DIPK1B: variants seen among roughly 807,000 people sequenced by gnomAD.
DIPK1B encodes the protein divergent protein kinase domain 1B, also known as family with sequence similarity 69 member B.
DIPK1B carries 17 observed loss-of-function variants against 20.7 expected under a neutral mutation model. That is an observed-to-expected ratio of 0.82 (90% CI 0.56 to 1.23). DIPK1B has a LOEUF of 1.23. Ranked by LOEUF, DIPK1B falls within the 50% of genes most tolerant of loss-of-function variation. The pLI, the probability that DIPK1B is intolerant of heterozygous loss-of-function variation, is 0.00. For synonymous variants in DIPK1B, 343 were observed against 276.5 expected, an observed-to-expected ratio of 1.24 and a Z score of -2.39; for missense variants, 648 against 601.8, an observed-to-expected ratio of 1.08 and a Z score of -0.80.
chr9:136,713,669 C>T lies in DIPK1B; in HGVS notation c.63+941C>T, dbSNP rs1450209353. Among the ~76,000 whole-genome samples, 6 of 152,262 alleles carry T rather than the reference C, an allele frequency of 3.9e-5. No homozygotes were observed. In the East Asian group the frequency reaches 1.2e-3, roughly 29 times the overall value. On this transcript the variant is annotated intron_variant, in intron 1 of 4. Transcript: ENST00000371692. ...CTGGGAGGTGGGGTGCACAGTGGTC[C>T]CCTCCCCCGAGGAAAGGCCTCGACC... is the stretch of plus-strand genomic sequence containing the variant.
Position 136,724,572 on chromosome 9 carries a change from ATG to A in DIPK1B, c.*803_*804del, listed in dbSNP as rs1191666281. ...TCTTCAGGGCGGGCTCTGCTCCGCAATGTGTGAGTCAAGACAATCCATTCCAT... is the reference window on the plus strand; with the variant it reads ...TCTTCAGGGCGGGCTCTGCTCCGCAATGTGAGTCAAGACAATCCATTCCAT... On this transcript the variant is annotated 3_prime_UTR_variant, in exon 5 of 5. Coordinates refer to ENST00000371692, the MANE Select transcript of DIPK1B (RefSeq NM_152421.4). 3 of 152,254 alleles carry A rather than the reference ATG, an allele frequency of 2.0e-5. No homozygotes were observed. The highest frequency in any genetic ancestry group is 2.9e-5 in the Non-Finnish European group (2 of 68,046). 9.4% of individuals were successfully genotyped at this position (152,254 alleles called of 1,614,324 possible).
rs548801552 is a variant in DIPK1B, at chr9:136,723,943, G to A, written c.*169G>A. ...CACCACAGACATGAGACCCCAGCTCGGAGCAAAGGCGGACATGGACATCCC... is the reference window on the plus strand; with the variant it reads ...CACCACAGACATGAGACCCCAGCTCAGAGCAAAGGCGGACATGGACATCCC... On this transcript the variant is annotated 3_prime_UTR_variant, in exon 5 of 5. Coordinates refer to ENST00000371692, the MANE Select transcript of DIPK1B (RefSeq NM_152421.4). The A allele has an allele frequency of 1.5e-4, 103 of 702,760 alleles. No individual in the cohort carries two copies. Among genetic ancestry groups the A allele is most frequent in the African/African-American group, 9.3e-4 (52 of 55,720 alleles). The allele number at this position is 702,760 out of a possible 1,614,324, so 43.5% of individuals were successfully genotyped here. A position where few individuals can be genotyped will look rare whatever the true frequency, so the allele number is the denominator to read the frequency against.
At chr9:136,719,879 GGGCGC>G (rs1564308770) in intron 2 of DIPK1B, among the ~76,000 whole-genome samples, 2 of 151,636 alleles carry the variant, frequency 1.3e-5, no homozygotes, top group Admixed American at 6.6e-5. Context: ...CTGGGGCTCC[GGGCGC>G]AGGGGCTGTG....
chr9:136,719,378 C>T (rs1846553723), intron 2 of DIPK1B, among the ~76,000 whole-genome samples: 1 of 152,182 alleles, frequency 6.6e-6, no homozygotes, highest in African/African-American at 2.4e-5. Flanking sequence ...ACCCCAGGGG[C>T]CATGGAGACG....
intron 1 of DIPK1B, among the ~76,000 whole-genome samples, chr9:136,715,597 C>T (rs995671912): frequency 6.6e-6 from 1 of 152,012 alleles, no homozygotes. Context: ...TCACCACAAC[C>T]TCTGCCTCCC....
Position 136,723,595 on chromosome 9 carries a change from C to T in DIPK1B, c.1117C>T (p.Leu373=), listed in dbSNP as rs763149366. The T allele has an allele frequency of 6.3e-7, 1 of 1,592,658 alleles. No homozygotes were observed. Among genetic ancestry groups the T allele is most frequent in the Admixed American group, 1.8e-5 (1 of 57,044 alleles). ...CAACCTGGCCAAGGTGTGCGCACTG[C>T]TACGGGGCTACCTGCTGCCTGGCGC... ...QPNLAKVCAL[L]RGYLLPGAPA... The change falls in exon 5 of 5, where the codon CTA becomes TTA. Residue 373 remains leucine, a synonymous_variant. Transcript: ENST00000371692.
At chr9:136,715,025 C>G (rs1846477209) in intron 1 of DIPK1B, among the ~76,000 whole-genome samples, 1 of 152,246 alleles carries the variant, frequency 6.6e-6, no homozygotes, top group African/African-American at 2.4e-5. Context: ...AGCCCACGAC[C>G]TCTGATGGGG....
chr9:136,723,616 G>A lies in DIPK1B; in HGVS notation c.1138G>A (p.Gly380Ser). 5.1e-6 allele frequency: 8 copies of A among 1,581,986 alleles called. No homozygotes were observed. The highest frequency in any genetic ancestry group is 6.9e-6 in the Non-Finnish European group (8 of 1,166,160). ...ACTGCTACGGGGCTACCTGCTGCCT[G>A]GCGCGCCCGCCGACCTCCGCGAGGA... ...CALLRGYLLP[G>S]APADLREELG... is the part of the protein sequence containing the mutation. Residue 380 changes from glycine to serine, a missense_variant, in exon 5 of 5, where the codon GGC (glycine) becomes AGC (serine). By Grantham distance (56) the Gly-to-Ser change is moderately conservative. Coordinates refer to ENST00000371692, the MANE Select transcript of DIPK1B (RefSeq NM_152421.4).
Position 136,723,414 on chromosome 9 carries a change from G to A in DIPK1B, c.936G>A (p.Lys312=), listed in dbSNP as rs778447361. 8.7e-6 allele frequency: 14 copies of A among 1,612,614 alleles called. No individual in the cohort carries two copies. The highest frequency in any genetic ancestry group is 3.3e-4 in the Middle Eastern group (2 of 6,082). ...GCTACACAGCCACCTACGACTTCAA[G>A]ATGGCCGACCTGCAGCAGGTGGCAC... is the stretch of plus-strand genomic sequence containing the variant. ...NVGYTATYDF[K]MADLQQVAPE... is the part of the protein sequence containing the mutation. The change falls in exon 5 of 5, where the codon AAG becomes AAA. Residue 312 remains lysine (K), a synonymous_variant. Coordinates refer to ENST00000371692, the MANE Select transcript of DIPK1B (RefSeq NM_152421.4).
At chr9:136,720,998 C>T (rs557358177) in intron 2 of DIPK1B, 5 of 152,440 alleles carry the variant, frequency 3.3e-5, no homozygotes, top group African/African-American at 1.2e-4. Context: ...GAAACCCAGC[C>T]AGAAGCTGCC....
chr9:136,714,528 G>A (rs928616059), intron 1 of DIPK1B, among the ~76,000 whole-genome samples: 2 of 152,146 alleles, frequency 1.3e-5, no homozygotes, highest in Admixed American at 6.5e-5. Flanking sequence ...CCGAGGCCCC[G>A]CCCATGCTGG....
chr9:136,716,151 A>G (rs1455081588), intron 1 of DIPK1B, among the ~76,000 whole-genome samples: 1 of 151,794 alleles, frequency 6.6e-6, no homozygotes, highest in Non-Finnish European at 1.5e-5. Context: ...CTCAGGACAC[A>G]GTCACTCCGC....
chr9:136,712,779 C>A lies in DIPK1B; in HGVS notation c.63+51C>A, dbSNP rs1846444911. ...CCCGGCCGCCTCTGCCTGGGGAGGC[C>A]GAGCTCCAGCCCCGGAGTGGGCCGA... On this transcript the variant is annotated intron_variant, in intron 1 of 4. Transcript: ENST00000371692. The surrounding 1 kb of genome is among the most constrained non-coding windows in gnomAD (Gnocchi z 5.6). 22 of 1,250,150 alleles carry A rather than the reference C, an allele frequency of 1.8e-5. No individual in the cohort carries two copies. Among genetic ancestry groups the A allele is most frequent in the Non-Finnish European group, 2.2e-5 (22 of 986,048 alleles). The allele number at this position is 1,250,150 out of a possible 1,614,324, so 77.4% of individuals were successfully genotyped here.
chr9:136,722,623 T>G (rs927612956), intron 4 of DIPK1B: 3 of 559,380 alleles, frequency 5.4e-6, no homozygotes, highest in Non-Finnish European at 9.6e-6. Flanking sequence ...TTCCCAGGGC[T>G]TCAGCCAGTG....
rs202223684 is a variant in DIPK1B at position 136,722,267 on chromosome 9, A to C, written c.449A>C (p.Lys150Thr). The C allele has an allele frequency of 9.5e-5, 153 of 1,613,774 alleles. No individual in the cohort carries two copies. Among genetic ancestry groups the C allele is most frequent in the Non-Finnish European group, 1.2e-4 (139 of 1,179,932 alleles). Residue 150 changes from lysine to threonine, a missense_variant, in exon 4 of 5, where the codon AAG (lysine) becomes ACG (threonine). Physicochemically the swap from Lys to Thr is moderately conservative, Grantham distance 78. Transcript: ENST00000371692. ...AAGCCCACCCGGGGCACCTCCATCAAGGAATTCCGGGAGATGACCCTCAGC... is the reference window on the plus strand; with the variant it reads ...AAGCCCACCCGGGGCACCTCCATCACGGAATTCCGGGAGATGACCCTCAGC... ...FDKPTRGTSIKEFREMTLSFL... is the reference protein window; with the variant it reads ...FDKPTRGTSITEFREMTLSFL...
In DIPK1B at chr9:136,723,285, T is replaced by C. The variant is rs567517647; in HGVS notation, c.807T>C (p.Pro269=). Residue 269 remains proline, a synonymous_variant, in exon 5 of 5, where the codon CCT becomes CCC. Coordinates refer to ENST00000371692, the MANE Select transcript of DIPK1B (RefSeq NM_152421.4). ...ALQQWLGPAW[P]WRAKIAIGLL... ...AGCAGTGGCTGGGGCCTGCGTGGCC[T>C]TGGCGGGCCAAGATCGCCATCGGCC... is the stretch of plus-strand genomic sequence containing the variant. The C allele has an allele frequency of 1.0e-4, 162 of 1,612,458 alleles. No homozygotes were observed. The highest frequency in any genetic ancestry group is 8.3e-4 in the Middle Eastern group (5 of 6,032).
In DIPK1B at chr9:136,723,857, A is replaced by T. The variant is rs532378490; in HGVS notation, c.*83A>T. 2.2e-6 allele frequency: 3 copies of T among 1,376,644 alleles called. No homozygotes were observed. The South Asian group carries it at 4.1e-5, about 19-fold the overall frequency. 85.3% of individuals were successfully genotyped at this position (1,376,644 alleles called of 1,614,324 possible). ...CCCTCCCTCAAGGAATCCTGTCAGA[A>T]GATGTGAAATGCAACTGTGTTGCAA... On this transcript the variant is annotated 3_prime_UTR_variant, in exon 5 of 5. Transcript: ENST00000371692.
At chr9:136,721,681 G>C in intron 2 of DIPK1B, 1 of 532,296 alleles carries the variant, frequency 1.9e-6, no homozygotes, top group African/African-American at 1.9e-5. Flanking sequence ...TGTTACAGGA[G>C]CCAGGATGGT....
intron 1 of DIPK1B, among the ~76,000 whole-genome samples, chr9:136,714,056 G>A (rs758330028): frequency 6.6e-6 from 1 of 152,202 alleles, no homozygotes; most frequent in Non-Finnish European, 1.5e-5. Context: ...AGCTTTGCCC[G>A]TCCATCTGTG....
Sources: allele counts gnomAD v4.1 joint callset (sites outside exome capture counted in the v4.1 genomes callset), GRCh38; gene constraint gnomAD v4.1.1; non-coding constraint Gnocchi (gnomAD v3.1); transcripts MANE v1.5; gene names NCBI Gene and HGNC (gene_info 2026-07-23, HGNC 2026-07-21).